The following LPP variants were observed in gnomAD, a reference collection of about 807,000 sequenced individuals.
The protein encoded by LPP is LIM domain containing preferred translocation partner in lipoma, also known as lipoma-preferred partner.
LPP carries 38 observed loss-of-function variants against 60.4 expected under a neutral mutation model. That is an observed-to-expected ratio of 0.63 (90% CI 0.49 to 0.83). The LOEUF (loss-of-function observed/expected upper bound fraction) is 0.83, where lower values mean the gene tolerates loss of function less well. Among genes scored for constraint, LPP ranks in the 40% least tolerant of loss-of-function variants. The pLI is 0.00. For synonymous variants in LPP, 328 were observed against 290.8 expected, an observed-to-expected ratio of 1.13 and a Z score of -1.30; for missense variants, 902 against 783.6, an observed-to-expected ratio of 1.15 and a Z score of -1.80.
chr3:188,462,650 TTTA>T (rs1164740978), intron 4 of LPP, among the ~76,000 whole-genome samples: 1 of 145,000 alleles, frequency 6.9e-6, no homozygotes, highest in Non-Finnish European at 1.5e-5. Flanking sequence ...TTTTTGGGTG[TTTA>T]TTTTTAATTT....
chr3:188,183,403 A>C (rs757712207), intron 1 of LPP, among the ~76,000 whole-genome samples: 2 of 152,182 alleles, frequency 1.3e-5, no homozygotes, highest in Non-Finnish European at 2.9e-5. Context: ...CATGGGCAGC[A>C]CCTGTAAAGG....
intron 1 of LPP, among the ~76,000 whole-genome samples, chr3:188,203,981 T>C (rs1732433312): frequency 6.6e-6 from 1 of 152,178 alleles, no homozygotes; most frequent in African/African-American, 2.4e-5. Flanking sequence ...TACAGACATC[T>C]TCCTTTTTAT....
intron 7 of LPP, among the ~76,000 whole-genome samples, chr3:188,636,489 A>G (rs1057464001): frequency 2.9e-4 from 44 of 152,292 alleles, no homozygotes; most frequent in Non-Finnish European, 5.6e-4. Context: ...AGGGGCGCCC[A>G]CCATTGCCCA....
intron 5 of LPP, among the ~76,000 whole-genome samples, chr3:188,501,446 C>G (rs1811827455): frequency 6.6e-6 from 1 of 152,084 alleles, no homozygotes; most frequent in Non-Finnish European, 1.5e-5. Flanking sequence ...AACCCCATCT[C>G]TACTAAAAAT....
chr3:188,371,231 C>T (rs1291359948), intron 3 of LPP, among the ~76,000 whole-genome samples: 1 of 152,018 alleles, frequency 6.6e-6, no homozygotes, highest in Non-Finnish European at 1.5e-5. Flanking sequence ...TGTCCAATCC[C>T]CATTAAATGA....
Position 188,875,423 on chromosome 3 carries a change from CT to C in LPP, c.*949del. 1 of 217,088 alleles carries C rather than the reference CT, an allele frequency of 4.6e-6. No individual in the cohort carries two copies. The highest frequency in any genetic ancestry group is 5.8e-5 in the Admixed American group (1 of 17,210). The allele number at this position is 217,088 out of a possible 1,614,324, so 13.4% of individuals were successfully genotyped here. A position where few individuals can be genotyped will look rare whatever the true frequency, so the allele number is the denominator to read the frequency against. On this transcript the variant is annotated 3_prime_UTR_variant, in exon 12 of 12. Coordinates refer to ENST00000617246, the MANE Select transcript of LPP (RefSeq NM_001375462.1). ...TATCCAACACAACTATCAAAATTGCCTTTTTCTCTAGAGGATGAAGGCTGTG... is the reference window on the plus strand; with the variant it reads ...TATCCAACACAACTATCAAAATTGCCTTTTCTCTAGAGGATGAAGGCTGTG...
At chr3:188,492,452 T>C (rs923947984) in intron 5 of LPP, among the ~76,000 whole-genome samples, 1 of 152,270 alleles carries the variant, frequency 6.6e-6, no homozygotes, top group African/African-American at 2.4e-5. Flanking sequence ...ACCAGTACTT[T>C]GGGAGGCTGA....
intron 7 of LPP, among the ~76,000 whole-genome samples, chr3:188,641,617 G>C (rs1850143205): frequency 6.6e-6 from 1 of 152,186 alleles, no homozygotes; most frequent in Non-Finnish European, 1.5e-5. Flanking sequence ...TTTTATTATG[G>C]CTTCATTATG....
At chr3:188,213,585 T>C (rs1712164659) in intron 1 of LPP, among the ~76,000 whole-genome samples, 1 of 152,188 alleles carries the variant, frequency 6.6e-6, no homozygotes, top group African/African-American at 2.4e-5. Context: ...TCAGACCTCT[T>C]CCCGTTAGGA....
At chr3:188,459,842 G>A (rs114067668) in intron 4 of LPP, among the ~76,000 whole-genome samples, 10,520 of 151,200 alleles carry the variant, frequency 0.07, 540 homozygotes, top group Non-Finnish European at 0.11. Context: ...TTATTCATGG[G>A]GGGGGGTTCT....
At chr3:188,472,167 A>G (rs1410981551) in intron 4 of LPP, among the ~76,000 whole-genome samples, 1 of 152,182 alleles carries the variant, frequency 6.6e-6, no homozygotes, top group African/African-American at 2.4e-5. Flanking sequence ...CCCAAATAAA[A>G]TTAGATGAAT....
chr3:188,444,574 G>A (rs1794772833), intron 4 of LPP, among the ~76,000 whole-genome samples: 1 of 152,186 alleles, frequency 6.6e-6, no homozygotes, highest in African/African-American at 2.4e-5. Context: ...ATAGGCATGG[G>A]CAAAGACTTC....
At chr3:188,596,627 C>A (rs558469235) in intron 6 of LPP, among the ~76,000 whole-genome samples, 374 of 151,892 alleles carry the variant, frequency 2.5e-3, no homozygotes, top group African/African-American at 8.8e-3. Flanking sequence ...AAAAAAAAAA[C>A]TGAGCAAACA....
chr3:188,299,096 C>T (rs1748881972), intron 2 of LPP, among the ~76,000 whole-genome samples: 4 of 152,156 alleles, frequency 2.6e-5, no homozygotes, highest in Admixed American at 2.6e-4. Context: ...TATCAAAAAA[C>T]CCAGAGCAGA....
chr3:188,235,515 G>A (rs2149397607), intron 2 of LPP, among the ~76,000 whole-genome samples: 1 of 152,134 alleles, frequency 6.6e-6, no homozygotes, highest in South Asian at 2.1e-4. Context: ...AGTTTTTTTA[G>A]ACATGTTTTT....
chr3:188,566,206 A>C (rs1451622659), intron 6 of LPP, among the ~76,000 whole-genome samples: 3 of 151,974 alleles, frequency 2.0e-5, no homozygotes, highest in African/African-American at 7.2e-5. Flanking sequence ...ACGATGGAAA[A>C]GTGCTTACAC....
At chr3:188,233,234 G>C (rs1218126888) in intron 2 of LPP, among the ~76,000 whole-genome samples, 1 of 152,170 alleles carries the variant, frequency 6.6e-6, no homozygotes, top group Non-Finnish European at 1.5e-5. Context: ...GTGGCTCTAG[G>C]AACAAAACCT....
At chr3:188,615,460 G>A (rs187515636) in intron 7 of LPP, among the ~76,000 whole-genome samples, 173 of 152,260 alleles carry the variant, frequency 1.1e-3, no homozygotes, top group African/African-American at 3.9e-3. Flanking sequence ...GGAGTCATTT[G>A]TGTTCCTGTC....
intron 6 of LPP, among the ~76,000 whole-genome samples, chr3:188,531,728 C>T (rs1242945820): frequency 1.3e-5 from 2 of 152,168 alleles, no homozygotes; most frequent in African/African-American, 4.8e-5. Flanking sequence ...GCCCTGTGCA[C>T]TTCATCATCT....
Sources: allele counts gnomAD v4.1 joint callset (sites outside exome capture counted in the v4.1 genomes callset), GRCh38; gene constraint gnomAD v4.1.1; transcripts MANE v1.5; gene names NCBI Gene and HGNC (gene_info 2026-07-23, HGNC 2026-07-21).